TBX5: variants seen among roughly 807,000 people sequenced by gnomAD.
The protein encoded by TBX5 is T-box transcription factor TBX5.
A neutral mutation model predicts 51.1 loss-of-function variants in TBX5; 8 were observed. The ratio of observed to expected loss-of-function variants is 0.16; its 90% CI spans 0.09 to 0.28. The LOEUF (loss-of-function observed/expected upper bound fraction) is 0.28, where lower values mean the gene tolerates loss of function less well. Ranked by LOEUF, TBX5 falls within the 10% of genes least tolerant of loss-of-function variation. TBX5 has a pLI of 1.00. For synonymous variants in TBX5, 302 were observed against 266.4 expected, an observed-to-expected ratio of 1.13 and a Z score of -1.30; for missense variants, 589 against 671.7, an observed-to-expected ratio of 0.88 and a Z score of 1.36.
intron 7 of TBX5, among the ~76,000 whole-genome samples, chr12:114,376,553 G>T (rs948789327): frequency 6.6e-6 from 1 of 151,908 alleles, no homozygotes; most frequent in South Asian, 2.1e-4. Flanking sequence ...TATTCAAGAG[G>T]CATAATTCCT....
At chr12:114,369,716 A>G (rs923304026) in intron 7 of TBX5, among the ~76,000 whole-genome samples, 4 of 152,194 alleles carry the variant, frequency 2.6e-5, no homozygotes, top group African/African-American at 9.7e-5. Flanking sequence ...AAGAACATCC[A>G]TGAAGAAGCA....
Position 114,399,568 on chromosome 12 carries a change from G to A in TBX5, c.307C>T (p.Leu103Phe). The change falls in exon 4 of 9, where the codon CTC (leucine) becomes TTC (phenylalanine). Residue 103 changes from leucine (L) to phenylalanine (F), a missense_variant. By Grantham distance (22) the Leu-to-Phe change is conservative. This residue lies in a region of TBX5 where 85 missense variants were observed against 95.6 expected (regional missense o/e 0.89). Coordinates refer to ENST00000405440, the MANE Select transcript of TBX5 (RefSeq NM_181486.4). ...GLNPKTKYIL[L>F]MDIVPADDHR... Reference sequence around the variant, plus strand: ...TCGTCGGCAGGTACAATGTCCATGAGAAGAATGTACTTCGTTTTGGGATTA... The same window carrying A: ...TCGTCGGCAGGTACAATGTCCATGAAAAGAATGTACTTCGTTTTGGGATTA... 6.2e-7 allele frequency: 1 copy of A among 1,614,140 alleles called. No individual in the cohort carries two copies. Among genetic ancestry groups the A allele is most frequent in the Non-Finnish European group, 8.5e-7 (1 of 1,180,042 alleles).
rs377033399 is a variant in TBX5, at chr12:114,355,487, C to T, written c.*45G>A. ...CTCCTTCTCTCTCTTTCTCCTCTCT[C>T]TCTCTCTTTCTCTAGGAAATGTCTG... On this transcript the variant is annotated 3_prime_UTR_variant, in exon 9 of 9. Coordinates refer to ENST00000405440, the MANE Select transcript of TBX5 (RefSeq NM_181486.4). The T allele has an allele frequency of 7.5e-6, 12 of 1,605,778 alleles. No individual in the cohort carries two copies. In the Admixed American group the frequency reaches 1.0e-4, roughly 13 times the overall value.
chr12:114,384,272 TG>T (rs1243840660), intron 7 of TBX5, among the ~76,000 whole-genome samples: 1 of 9,342 alleles, frequency 1.1e-4, no homozygotes, highest in Non-Finnish European at 3.4e-4. Flanking sequence ...GTCATTCTCT[TG>T]TTTTTTTTTT....
chr12:114,355,874 A>T lies in TBX5; in HGVS notation c.1215T>A (p.Pro405=), dbSNP rs770387292. The change falls in exon 9 of 9, where the codon CCT becomes CCA. Residue 405 remains proline, a synonymous_variant. Transcript: ENST00000405440. ...DISCNTWPSM[P]SYSSCTVTTV... is the part of the protein sequence containing the mutation. ...TGGTGACGGTGCAGCTGCTGTAGGA[A>T]GGCATGCTTGGCCACGTGTTGCAGC... is the stretch of plus-strand genomic sequence containing the variant. The T allele has an allele frequency of 5.6e-6, 9 of 1,613,752 alleles. No homozygotes were observed. The highest frequency in any genetic ancestry group is 1.7e-5 in the Admixed American group (1 of 60,026).
Position 114,400,414 on chromosome 12 carries a change from G to C in TBX5, c.243-782C>G, listed in dbSNP as rs1196166595. ...CAAGCCGATGGCCCGGAACTGTGCC[G>C]TCTCTGCTGCCTTTCTGCGCCCTGG... On this transcript the variant is annotated intron_variant, in intron 3 of 8. Coordinates refer to ENST00000405440, the MANE Select transcript of TBX5 (RefSeq NM_181486.4). Among the ~76,000 whole-genome samples the C allele has an allele frequency of 5.3e-5, 8 of 152,350 alleles. No homozygotes were observed. In the South Asian group the frequency reaches 1.7e-3, roughly 32 times the overall value.
At position 114,383,370 on chromosome 12, in the gene TBX5, A is replaced by G. The variant is rs778948202; in HGVS notation, c.755+2106T>C. Among the ~76,000 whole-genome samples the G allele has an allele frequency of 9.1e-4, 138 of 152,222 alleles. 2 individuals are homozygous for G. The highest frequency in any genetic ancestry group is 9.1e-4 in the Non-Finnish European group (62 of 68,042). On this transcript the variant is annotated intron_variant, in intron 7 of 8. Transcript: ENST00000405440. ...GGGCCAAAAATAAAGGAAAGAACAC[A>G]GGTTTGAAGCCTTTCCTTTAGCATG... is the stretch of plus-strand genomic sequence containing the variant.
intron 6 of TBX5, among the ~76,000 whole-genome samples, chr12:114,388,035 G>C (rs1870919559): frequency 6.6e-6 from 1 of 152,192 alleles, no homozygotes; most frequent in South Asian, 2.1e-4. Context: ...TTTCAGTTCA[G>C]ATGAGGTTTT....
upstream of TBX5, chr12:114,408,173 C>A: frequency 1.0e-6 from 1 of 985,398 alleles, no homozygotes; most frequent in Non-Finnish European, 1.2e-6. Context: ...AGGTAAATTT[C>A]TCTCCGTCTT....
intron 6 of TBX5, among the ~76,000 whole-genome samples, chr12:114,388,474 A>T (rs1052113289): frequency 5.3e-5 from 8 of 149,618 alleles, no homozygotes; most frequent in Non-Finnish European, 1.2e-4. Flanking sequence ...GTATTTTTAA[A>T]AATTATTTAT....
At chr12:114,389,232 A>AT (rs1269431180) in intron 6 of TBX5, among the ~76,000 whole-genome samples, 2 of 151,970 alleles carry the variant, frequency 1.3e-5, no homozygotes, top group African/African-American at 4.8e-5. Context: ...TTGGCCTCAG[A>AT]TTTTTTCTTG....
At chr12:114,382,836 G>A (rs1870582430) in intron 7 of TBX5, among the ~76,000 whole-genome samples, 1 of 151,904 alleles carries the variant, frequency 6.6e-6, no homozygotes, top group Admixed American at 6.6e-5. Flanking sequence ...TACAAATTTA[G>A]TTGGGTATGG....
At chr12:114,408,104 G>C (rs779465476), upstream of TBX5, 1 of 985,438 alleles carries the variant, frequency 1.0e-6, no homozygotes, top group African/African-American at 1.7e-5. Flanking sequence ...ACTTGGAGAC[G>C]TCACGAGTCA....
At chr12:114,365,067 A>G (rs1460964581) in intron 8 of TBX5, among the ~76,000 whole-genome samples, 1 of 18,710 alleles carries the variant, frequency 5.3e-5, no homozygotes, top group East Asian at 6.0e-4. Flanking sequence ...ATGACTTAGA[A>G]AAAAAAAAAA....
intron 7 of TBX5, among the ~76,000 whole-genome samples, chr12:114,378,555 C>T (rs4113925): frequency 0.38 from 57,628 of 152,100 alleles, 11,343 homozygotes; most frequent in East Asian, 0.52. Flanking sequence ...AATGCGTCGA[C>T]GAATTCCTTG....
At chr12:114,383,758 C>T (rs898600945) in intron 7 of TBX5, among the ~76,000 whole-genome samples, 7 of 152,154 alleles carry the variant, frequency 4.6e-5, no homozygotes, top group African/African-American at 1.7e-4. Context: ...GATGATTCAA[C>T]ACACCTTAAA....
chr12:114,364,424 C>T (rs1869401062), intron 8 of TBX5, among the ~76,000 whole-genome samples: 1 of 152,152 alleles, frequency 6.6e-6, no homozygotes, highest in Admixed American at 6.5e-5. Flanking sequence ...CTGCACCAAG[C>T]CTATGAGACA....
intron 7 of TBX5, among the ~76,000 whole-genome samples, chr12:114,381,640 C>A (rs1478318150): frequency 6.6e-6 from 1 of 152,182 alleles, no homozygotes; most frequent in Non-Finnish European, 1.5e-5. Flanking sequence ...GCCCCTCCTG[C>A]AGATGAGAAT....
chr12:114,372,042 T>C (rs988086788), intron 7 of TBX5, among the ~76,000 whole-genome samples: 1 of 152,134 alleles, frequency 6.6e-6, no homozygotes, highest in Admixed American at 6.6e-5. Flanking sequence ...AGCTAAAGAA[T>C]GTGTACAACC....
Sources: allele counts gnomAD v4.1 joint callset (sites outside exome capture counted in the v4.1 genomes callset), GRCh38; gene constraint gnomAD v4.1.1; regional missense constraint gnomAD v4.1.1; transcripts MANE v1.5; gene names NCBI Gene and HGNC (gene_info 2026-07-23, HGNC 2026-07-21).